DUSP7: variants seen among roughly 807,000 people sequenced by gnomAD.
DUSP7 encodes the protein dual specificity phosphatase 7, also known as dual specificity protein phosphatase 7.
DUSP7 carries 7 observed loss-of-function variants against 29.8 expected under a neutral mutation model. The observed-to-expected ratio is 0.24, with a 90% CI of 0.13 to 0.44. The LOEUF is 0.44. Among genes scored for constraint, DUSP7 ranks in the 20% least tolerant of loss-of-function variants. The pLI is 1.00. For missense variants in DUSP7, 400 were observed against 583.7 expected (o/e 0.69, Z 3.24); for synonymous variants, 287 against 275.4 (o/e 1.04, Z -0.42).
Position 52,050,387 on chromosome 3 carries a change from TAAA to T in DUSP7, c.*425_*427del, listed in dbSNP as rs56411906. The T allele has an allele frequency of 2.9e-4, 37 of 128,070 alleles. No homozygotes were observed. Among genetic ancestry groups the T allele is most frequent in the South Asian group, 4.8e-4 (2 of 4,140 alleles). 7.9% of individuals were successfully genotyped at this position (128,070 alleles called of 1,614,324 possible). A position where few individuals can be genotyped will look rare whatever the true frequency, so the allele number is the denominator to read the frequency against. ...GTAGCCTGAAAATAACACTTTTTGT[TAAA>T]AAAAAAAAAAAAAAAGAAAAATCAA... On this transcript the variant is annotated 3_prime_UTR_variant, in exon 3 of 3. Coordinates refer to ENST00000495880, the MANE Select transcript of DUSP7 (RefSeq NM_001947.4). The surrounding 1 kb of genome is among the most constrained non-coding windows in gnomAD (Gnocchi z 5.0).
Position 52,054,295 on chromosome 3 carries a change from C to A in DUSP7, c.597G>T (p.Ser199=). 6.3e-7 allele frequency: 1 copy of A among 1,592,102 alleles called. No homozygotes were observed. The highest frequency in any genetic ancestry group is 8.6e-7 in the Non-Finnish European group (1 of 1,167,842). Residue 199 remains serine (S), a synonymous_variant, in exon 2 of 3, where the codon TCG becomes TCT. Coordinates refer to ENST00000495880, the MANE Select transcript of DUSP7 (RefSeq NM_001947.4). This position sits in a 1 kb window ranked among gnomAD's most constrained non-coding sequence, Gnocchi z 4.1. ...CCAGGCCCAGCACTGAGGTGGGTGG[C>A]GAGCTGCTCGGCGAGGAAGAGCTGT... ...NVDSSSSPSS[S]PPTSVLGLGG... is the part of the protein sequence containing the mutation.
In DUSP7 at chr3:52,056,254, CCGGACCCCGACCCCGCACCGGGCT is replaced by C. The variant is rs1392990895; in HGVS notation, c.89_112del (p.Glu30_Ser37del). 1.9e-5 allele frequency: 26 copies of C among 1,364,842 alleles called. No individual in the cohort carries two copies. The highest frequency in any genetic ancestry group is 2.7e-4 in the Middle Eastern group (1 of 3,710). 84.5% of individuals were successfully genotyped at this position (1,364,842 alleles called of 1,614,324 possible). On this transcript the variant is annotated inframe_deletion, in exon 1 of 3. Coordinates refer to ENST00000495880, the MANE Select transcript of DUSP7 (RefSeq NM_001947.4). The surrounding 1 kb of genome is among the most constrained non-coding windows in gnomAD (Gnocchi z 6.4). ...CGCCGCGCCCGCCCCGGTGCCTGCGCCGGACCCCGACCCCGCACCGGGCTCGGACCCCGCCCGGGTGCCCCCAGC... is the reference window on the plus strand; with the variant it reads ...CGCCGCGCCCGCCCCGGTGCCTGCGCCGGACCCCGCCCGGGTGCCCCCAGC...
chr3:52,055,637 C>A (rs986059724), intron 1 of DUSP7, among the ~76,000 whole-genome samples: 3 of 152,208 alleles, frequency 2.0e-5, no homozygotes, highest in Non-Finnish European at 4.4e-5. Flanking sequence ...TCCACCCACT[C>A]GAATCGTGCC....
chr3:52,056,062 C>T lies in DUSP7; in HGVS notation c.305G>A (p.Arg102His), dbSNP rs1419681209. 6.2e-7 allele frequency: 1 copy of T among 1,603,396 alleles called. No individual in the cohort carries two copies. The highest frequency in any genetic ancestry group is 8.5e-7 in the Non-Finnish European group (1 of 1,175,810). ...INLAIPGLML[R>H]RLRKGNLPIR... ...GGGCAGGTTGCCCTTGCGCAGGCGG[C>T]GCAACATGAGGCCCGGGATGGCCAG... Residue 102 changes from arginine (R) to histidine (H), a missense_variant, in exon 1 of 3, where the codon CGC (arginine) becomes CAC (histidine). Coordinates refer to ENST00000495880, the MANE Select transcript of DUSP7 (RefSeq NM_001947.4). This position sits in a 1 kb window ranked among gnomAD's most constrained non-coding sequence, Gnocchi z 6.4.
chr3:52,056,527 G>C lies in DUSP7; in HGVS notation c.-161C>G, dbSNP rs1311571134. 2.5e-5 allele frequency: 5 copies of C among 196,762 alleles called. No homozygotes were observed. Among genetic ancestry groups the C allele is most frequent in the Non-Finnish European group, 4.5e-5 (5 of 111,904 alleles). 12.2% of individuals were successfully genotyped at this position (196,762 alleles called of 1,614,324 possible). On this transcript the variant is annotated 5_prime_UTR_variant, in exon 1 of 3. Coordinates refer to ENST00000495880, the MANE Select transcript of DUSP7 (RefSeq NM_001947.4). This position sits in a 1 kb window ranked among gnomAD's most constrained non-coding sequence, Gnocchi z 6.4. The stretch of plus-strand genomic sequence containing the variant: ...CTCCCGGCCTCCGTCCCGCCCGCCC[G>C]CCCGGCCCTCCGCGCGCACCGCGGC...
chr3:52,055,362 G>T (rs754378151), intron 1 of DUSP7, among the ~76,000 whole-genome samples: 16 of 152,162 alleles, frequency 1.1e-4, no homozygotes, highest in Non-Finnish European at 2.4e-4. Flanking sequence ...GCAATTCTCC[G>T]GTGGAAGAAG....
chr3:52,051,040 A>C lies in DUSP7; in HGVS notation c.1035T>G (p.Tyr345Ter), dbSNP rs1390266973. 1 of 1,614,100 alleles carries C rather than the reference A, an allele frequency of 6.2e-7. No individual in the cohort carries two copies. Among genetic ancestry groups the C allele is most frequent in the Non-Finnish European group, 8.5e-7 (1 of 1,180,042 alleles). Reference sequence around the variant, plus strand: ...GTGACAGGTTCATCTTCTGCATCAGATAGGCCACAGTGACCGTCACTGAGC... The same window carrying C: ...GTGACAGGTTCATCTTCTGCATCAGCTAGGCCACAGTGACCGTCACTGAGC... Reference protein sequence around the residue: ...ISRSVTVTVAYLMQKMNLSLN... With the variant: ...ISRSVTVTVA The change falls in exon 3 of 3, where the codon TAT becomes TAG. Residue 345 changes from tyrosine (Y) to a stop codon, truncating the protein, a stop_gained. Coordinates refer to ENST00000495880, the MANE Select transcript of DUSP7 (RefSeq NM_001947.4). LOFTEE classifies it high-confidence loss of function. This position sits in a 1 kb window ranked among gnomAD's most constrained non-coding sequence, Gnocchi z 4.8.
chr3:52,051,186 C>A lies in DUSP7; in HGVS notation c.953-64G>T. The A allele has an allele frequency of 6.5e-7, 1 of 1,530,694 alleles. No homozygotes were observed. The highest frequency in any genetic ancestry group is 8.8e-7 in the Non-Finnish European group (1 of 1,137,218). 94.8% of individuals were successfully genotyped at this position (1,530,694 alleles called of 1,614,324 possible). On this transcript the variant is annotated intron_variant, in intron 2 of 2. Transcript: ENST00000495880. The surrounding 1 kb of genome is among the most constrained non-coding windows in gnomAD (Gnocchi z 4.8). The stretch of plus-strand genomic sequence containing the variant: ...CAAGGAGCCTTCCCACATGGGTGGG[C>A]AGGTGGGGCTGGGGCACAGAGGGCA...
In DUSP7 at chr3:52,049,916, G is replaced by A. The variant is rs1701829434; in HGVS notation, c.*899C>T. ...CAGCCCCCTGCGGCCCACCTCCTGG[G>A]GGACAGCGGCAGGGCCCCAGGGTCC... is the stretch of plus-strand genomic sequence containing the variant. On this transcript the variant is annotated 3_prime_UTR_variant, in exon 3 of 3. Transcript: ENST00000495880. The A allele has an allele frequency of 6.6e-6, 1 of 152,248 alleles. No individual in the cohort carries two copies. Among genetic ancestry groups the A allele is most frequent in the Admixed American group, 6.5e-5 (1 of 15,290 alleles). 9.4% of individuals were successfully genotyped at this position (152,248 alleles called of 1,614,324 possible).
rs185151719 is a variant in DUSP7 at position 52,053,599 on chromosome 3, A to T, written c.952+341T>A. ...TGAGGCGTGATGCGGAGCAAGTGAG[A>T]CCCGTGGGAGGTCTGTGCGCTGTGA... On this transcript the variant is annotated intron_variant, in intron 2 of 2. Transcript: ENST00000495880. This position sits in a 1 kb window ranked among gnomAD's most constrained non-coding sequence, Gnocchi z 4.6. The T allele has an allele frequency of 2.1e-5, 7 of 340,778 alleles. No individual in the cohort carries two copies. Among genetic ancestry groups the T allele is most frequent in the Non-Finnish European group, 2.8e-5 (5 of 179,302 alleles). 21.1% of individuals were successfully genotyped at this position (340,778 alleles called of 1,614,324 possible). A position where few individuals can be genotyped will look rare whatever the true frequency, so the allele number is the denominator to read the frequency against.
Position 52,051,065 on chromosome 3 carries a change from C to A in DUSP7, c.1010G>T (p.Arg337Leu). 1.2e-6 allele frequency: 2 copies of A among 1,614,000 alleles called. No homozygotes were observed. Among genetic ancestry groups the A allele is most frequent in the Non-Finnish European group, 1.7e-6 (2 of 1,180,014 alleles). ...VLVHCLAGISRSVTVTVAYLM... is the reference protein window; with the variant it reads ...VLVHCLAGISLSVTVTVAYLM... The stretch of plus-strand genomic sequence containing the variant: ...ATAGGCCACAGTGACCGTCACTGAG[C>A]GGCTGATGCCTGCCAGGCAGTGCAC... The change falls in exon 3 of 3, where the codon CGC becomes CTC. Residue 337 changes from arginine to leucine, a missense_variant. By Grantham distance (102) the Arg-to-Leu change is moderately radical. This residue lies in a region of DUSP7 where 6 missense variants were observed against 30.7 expected (regional missense o/e 0.20). Coordinates refer to ENST00000495880, the MANE Select transcript of DUSP7 (RefSeq NM_001947.4). The surrounding 1 kb of genome is among the most constrained non-coding windows in gnomAD (Gnocchi z 4.8).
chr3:52,056,526 C>T lies in DUSP7; in HGVS notation c.-160G>A. On this transcript the variant is annotated 5_prime_UTR_variant, in exon 1 of 3. Coordinates refer to ENST00000495880, the MANE Select transcript of DUSP7 (RefSeq NM_001947.4). The surrounding 1 kb of genome is among the most constrained non-coding windows in gnomAD (Gnocchi z 6.4). ...CCTCCCGGCCTCCGTCCCGCCCGCC[C>T]GCCCGGCCCTCCGCGCGCACCGCGG... The T allele has an allele frequency of 5.0e-6, 1 of 198,966 alleles. No individual in the cohort carries two copies. Among genetic ancestry groups the T allele is most frequent in the Non-Finnish European group, 8.8e-6 (1 of 113,152 alleles). The allele number at this position is 198,966 out of a possible 1,614,324, so 12.3% of individuals were successfully genotyped here.
rs772264063 is a variant in DUSP7, at chr3:52,051,073, G to A, written c.1002C>T (p.Gly334=). Residue 334 remains glycine, a synonymous_variant, in exon 3 of 3, where the codon GGC becomes GGT. Transcript: ENST00000495880. This position sits in a 1 kb window ranked among gnomAD's most constrained non-coding sequence, Gnocchi z 4.8. Reference sequence around the variant, plus strand: ...CAGTGACCGTCACTGAGCGGCTGATGCCTGCCAGGCAGTGCACCAGGACAC... The same window carrying A: ...CAGTGACCGTCACTGAGCGGCTGATACCTGCCAGGCAGTGCACCAGGACAC... ...KCGVLVHCLA[G]ISRSVTVTVA... 3.3e-5 allele frequency: 54 copies of A among 1,613,822 alleles called. No homozygotes were observed. The highest frequency in any genetic ancestry group is 3.0e-4 in the South Asian group (27 of 91,090).
In DUSP7 at chr3:52,050,681, G is replaced by C; in HGVS notation, c.*134C>G. 9.4e-7 allele frequency: 1 copy of C among 1,067,108 alleles called. No individual in the cohort carries two copies. 66.1% of individuals were successfully genotyped at this position (1,067,108 alleles called of 1,614,324 possible). A position where few individuals can be genotyped will look rare whatever the true frequency, so the allele number is the denominator to read the frequency against. The stretch of plus-strand genomic sequence containing the variant: ...GGATGGTGAGGGGCGCTCCGACACC[G>C]ATCAGCCTGGGCCTCTGGGCACAGG... On this transcript the variant is annotated 3_prime_UTR_variant, in exon 3 of 3. Transcript: ENST00000495880. The surrounding 1 kb of genome is among the most constrained non-coding windows in gnomAD (Gnocchi z 5.0).
Position 52,055,914 on chromosome 3 carries a change from G to A in DUSP7, c.453C>T (p.Ala151=). The change falls in exon 1 of 3, where the codon GCC becomes GCT. Residue 151 remains alanine, a synonymous_variant. Transcript: ENST00000495880. The part of the protein sequence containing the change: ...AEWQPEPGAP[A]SVLGLLLQKL... ...TCTGTAGGAGCAGGCCGAGCACGGA[G>A]GCGGGAGCGCCGGGCTCGGGCTGCC... 1.3e-6 allele frequency: 2 copies of A among 1,555,898 alleles called. No homozygotes were observed. The highest frequency in any genetic ancestry group is 1.2e-5 in the South Asian group (1 of 85,348).
rs1701820905 is a variant in DUSP7, at chr3:52,049,441, A to G, written c.*1374T>C. 6.6e-6 allele frequency: 1 copy of G among 152,314 alleles called. No individual in the cohort carries two copies. The highest frequency in any genetic ancestry group is 2.4e-5 in the African/African-American group (1 of 41,468). 9.4% of individuals were successfully genotyped at this position (152,314 alleles called of 1,614,324 possible). Reference sequence around the variant, plus strand: ...CGTTCTGTGGAGGCAGGGGGAAGTGAACAGAGCCTTACCCCCCTTCTGCTG... The same window carrying G: ...CGTTCTGTGGAGGCAGGGGGAAGTGGACAGAGCCTTACCCCCCTTCTGCTG... On this transcript the variant is annotated 3_prime_UTR_variant, in exon 3 of 3. Coordinates refer to ENST00000495880, the MANE Select transcript of DUSP7 (RefSeq NM_001947.4).
chr3:52,056,498 C>T lies in DUSP7; in HGVS notation c.-132G>A. On this transcript the variant is annotated 5_prime_UTR_variant, in exon 1 of 3. Transcript: ENST00000495880. This position sits in a 1 kb window ranked among gnomAD's most constrained non-coding sequence, Gnocchi z 6.4. ...CTGCGCGCCCGCCGCCCCGGCCTCC[C>T]GGCCTCCCGGCCTCCGTCCCGCCCG... 1 of 281,144 alleles carries T rather than the reference C, an allele frequency of 3.6e-6. No individual in the cohort carries two copies. The highest frequency in any genetic ancestry group is 5.3e-6 in the Non-Finnish European group (1 of 188,766). The allele number at this position is 281,144 out of a possible 1,614,324, so 17.4% of individuals were successfully genotyped here.
In DUSP7 at chr3:52,054,224, C is replaced by T. The variant is rs1291715944; in HGVS notation, c.668G>A (p.Arg223Gln). The change falls in exon 2 of 3, where the codon CGA (arginine) becomes CAA (glutamine). Residue 223 changes from arginine (R) to glutamine (Q), a missense_variant. Physicochemically the swap from Arg to Gln is conservative, Grantham distance 43. Coordinates refer to ENST00000495880, the MANE Select transcript of DUSP7 (RefSeq NM_001947.4). This position sits in a 1 kb window ranked among gnomAD's most constrained non-coding sequence, Gnocchi z 4.1. ...CTCGGTGGCACTGCTGGGCAGCTCT[C>T]GGTCCGACTCGCCGTCGGAGCAGTC... ...SSDCSDGESD[R>Q]ELPSSATESD... 4.3e-6 allele frequency: 7 copies of T among 1,610,516 alleles called. No homozygotes were observed. Among genetic ancestry groups the T allele is most frequent in the African/African-American group, 1.3e-5 (1 of 74,994 alleles).
intron 1 of DUSP7, among the ~76,000 whole-genome samples, chr3:52,055,610 G>A (rs1701893437): frequency 6.6e-6 from 1 of 152,202 alleles, no homozygotes; most frequent in East Asian, 1.9e-4. Flanking sequence ...GGAAACCCCA[G>A]GCAGGGGAAA....
Sources: allele counts gnomAD v4.1 joint callset (sites outside exome capture counted in the v4.1 genomes callset), GRCh38; gene constraint gnomAD v4.1.1; regional missense constraint gnomAD v4.1.1; non-coding constraint Gnocchi (gnomAD v3.1); transcripts MANE v1.5; gene names NCBI Gene and HGNC (gene_info 2026-07-23, HGNC 2026-07-21).